Variants in FAAP24 observed in about 807,000 individuals in gnomAD.
FAAP24 encodes Fanconi anemia core complex-associated protein 24.
In FAAP24, 16 loss-of-function variants were observed where a neutral mutation model predicts 14.3. That is an observed-to-expected ratio of 1.12 (90% CI 0.76 to 1.69). FAAP24 has a LOEUF of 1.69. Among genes scored for constraint, FAAP24 ranks in the 40% most tolerant of loss-of-function variants. The pLI, the probability that FAAP24 is intolerant of heterozygous loss-of-function variation, is 0.00. For missense variants in FAAP24, 234 were observed against 262.7 expected (o/e 0.89, Z 0.75); for synonymous variants, 111 against 106.2 (o/e 1.04, Z -0.28).
intron 4 of FAAP24, among the ~76,000 whole-genome samples, chr19:32,975,601 A>G (rs1471443471): frequency 6.6e-6 from 1 of 151,548 alleles, no homozygotes; most frequent in African/African-American, 2.4e-5. Context: ...CTGGAATTAC[A>G]GGTGCCCGCC....
Position 32,978,090 on chromosome 19 carries a change from A to G in FAAP24, c.*1408A>G, listed in dbSNP as rs530136913. On this transcript the variant is annotated 3_prime_UTR_variant, in exon 5 of 5. Coordinates refer to ENST00000588258, the MANE Select transcript of FAAP24 (RefSeq NM_152266.5). ...ATCAAAAGGTACAAATTGCCCATTC[A>G]AAAAATAGACACAGGCCAGGCACAG... 1 of 151,674 alleles carries G rather than the reference A, an allele frequency of 6.6e-6. No individual in the cohort carries two copies. Among genetic ancestry groups the G allele is most frequent in the Admixed American group, 6.6e-5 (1 of 15,190 alleles). The allele number at this position is 151,674 out of a possible 1,614,324, so 9.4% of individuals were successfully genotyped here. A position where few individuals can be genotyped will look rare whatever the true frequency, so the allele number is the denominator to read the frequency against.
chr19:32,973,622 A>C lies in FAAP24; in HGVS notation c.243+60A>C, dbSNP rs552511817. The C allele has an allele frequency of 5.7e-6, 9 of 1,576,596 alleles. No homozygotes were observed. In the African/African-American group the frequency reaches 9.4e-5, roughly 17 times the overall value. ...GTAATCCCAGCACTTTGGGAGGCCA[A>C]GGCGGGTGGATCACCTGAGGTCAGT... On this transcript the variant is annotated intron_variant, in intron 3 of 4. Coordinates refer to ENST00000588258, the MANE Select transcript of FAAP24 (RefSeq NM_152266.5).
Position 32,974,193 on chromosome 19 carries a change from C to A in FAAP24, c.377C>A (p.Ser126Tyr). The A allele has an allele frequency of 6.2e-7, 1 of 1,613,324 alleles. No individual in the cohort carries two copies. The highest frequency in any genetic ancestry group is 8.5e-7 in the Non-Finnish European group (1 of 1,179,828). The part of the protein sequence containing the change: ...LLPVASQMEA[S>Y]CLVIQLVQEQ... ...CCAGTGGCCAGCCAGATGGAAGCAT[C>A]CTGCCTCGTCATCCAGTTGGTGAGT... The change falls in exon 4 of 5, where the codon TCC becomes TAC. Residue 126 changes from serine to tyrosine, a missense_variant. Physicochemically the swap from Ser to Tyr is moderately radical, Grantham distance 144. Coordinates refer to ENST00000588258, the MANE Select transcript of FAAP24 (RefSeq NM_152266.5).
intron 1 of FAAP24, among the ~76,000 whole-genome samples, chr19:32,972,716 T>TTTC (rs955593233): frequency 5.5e-4 from 29 of 52,490 alleles, no homozygotes; most frequent in South Asian, 2.1e-3. Flanking sequence ...TTTTCTTTTC[T>TTTC]TTTTTTTTTT....
chr19:32,973,603 C>T, intron 3 of FAAP24, 41 bp downstream of exon 3: 1 of 1,608,732 alleles, frequency 6.2e-7, no homozygotes. Flanking sequence ...GCCAGTAATC[C>T]CAGCACTTTG....
chr19:32,972,294 G>A lies in FAAP24; in HGVS notation c.-66G>A, dbSNP rs867265606. 4.7e-6 allele frequency: 2 copies of A among 425,072 alleles called. No individual in the cohort carries two copies. The highest frequency in any genetic ancestry group is 3.3e-5 in the East Asian group (1 of 29,898). The allele number at this position is 425,072 out of a possible 1,614,324, so 26.3% of individuals were successfully genotyped here. ...AGTAACATGATCTCTAGACTGGGAC[G>A]GTGGGGTTCCTGCCGGCTGTATTCG... is the stretch of plus-strand genomic sequence containing the variant. On this transcript the variant is annotated 5_prime_UTR_variant, in exon 1 of 5. Coordinates refer to ENST00000588258, the MANE Select transcript of FAAP24 (RefSeq NM_152266.5).
intron 4 of FAAP24, 105 bp downstream of exon 4, chr19:32,974,317 T>A (rs1599798257): frequency 1.5e-6 from 2 of 1,357,524 alleles, no homozygotes; most frequent in East Asian, 4.8e-5. Flanking sequence ...TCTGACTTGG[T>A]TTATAAAATC....
Position 32,977,372 on chromosome 19 carries a change from C to A in FAAP24, c.*690C>A. 2.5e-6 allele frequency: 1 copy of A among 398,646 alleles called. No individual in the cohort carries two copies. Among genetic ancestry groups the A allele is most frequent in the Non-Finnish European group, 4.4e-6 (1 of 226,114 alleles). 24.7% of individuals were successfully genotyped at this position (398,646 alleles called of 1,614,324 possible). ...TGACCATCTGAAGGAAACAAATGTA[C>A]AAGGAAGCACTGTGTATCCTAAGCC... On this transcript the variant is annotated 3_prime_UTR_variant, in exon 5 of 5. Coordinates refer to ENST00000588258, the MANE Select transcript of FAAP24 (RefSeq NM_152266.5).
chr19:32,972,914 C>G (rs1019285550), intron 1 of FAAP24, among the ~76,000 whole-genome samples: 1 of 151,976 alleles, frequency 6.6e-6, no homozygotes, highest in Non-Finnish European at 1.5e-5. Context: ...CGCGGTTTCA[C>G]TATCTTGGCC....
Position 32,973,542 on chromosome 19 carries a change from A to C in FAAP24, c.223A>C (p.Arg75=), listed in dbSNP as rs1373994314. The C allele has an allele frequency of 6.2e-7, 1 of 1,614,058 alleles. No individual in the cohort carries two copies. The highest frequency in any genetic ancestry group is 8.5e-7 in the Non-Finnish European group (1 of 1,180,028). ...DLVAGNGYRK[R]LVRVRNSNNL... ...GGTGGCAGGAAATGGCTACAGAAAG[A>C]GGCTTGTTCGGGTTAGAAATGTAAG... is the stretch of plus-strand genomic sequence containing the variant. Residue 75 remains arginine (R), a synonymous_variant, in exon 3 of 5, where the codon AGG becomes CGG. Coordinates refer to ENST00000588258, the MANE Select transcript of FAAP24 (RefSeq NM_152266.5).
chr19:32,974,170 A>C lies in FAAP24; in HGVS notation c.354A>C (p.Pro118=). 1 of 1,613,890 alleles carries C rather than the reference A, an allele frequency of 6.2e-7. No homozygotes were observed. Among genetic ancestry groups the C allele is most frequent in the Non-Finnish European group, 8.5e-7 (1 of 1,179,982 alleles). ...TGGACCTTGGAATGGTGCTGCTTCC[A>C]GTGGCCAGCCAGATGGAAGCATCCT... ...TVLDLGMVLL[P]VASQMEASCL... The change falls in exon 4 of 5, where the codon CCA becomes CCC. Residue 118 remains proline, a synonymous_variant. Coordinates refer to ENST00000588258, the MANE Select transcript of FAAP24 (RefSeq NM_152266.5).
chr19:32,975,455 C>G (rs1194696081), intron 4 of FAAP24, among the ~76,000 whole-genome samples: 5 of 149,042 alleles, frequency 3.4e-5, no homozygotes, highest in African/African-American at 1.2e-4. Context: ...CCGCACCAAC[C>G]AACACTTTTT....
At position 32,973,222 on chromosome 19, in the gene FAAP24, C is replaced by T. The variant is rs900861352; in HGVS notation, c.26C>T (p.Thr9Met). Residue 9 changes from threonine to methionine, a missense_variant, in exon 2 of 5, where the codon ACG (threonine) becomes ATG (methionine). Thr to Met is a moderately conservative substitution (Grantham distance 81, BLOSUM62 -1). Transcript: ENST00000588258. ...ATGGAAAAGAACCCCCCTGATGATA[C>T]GGGCCCCGTGCACGTGCCTTTGGGG... Reference protein sequence around the residue: MEKNPPDDTGPVHVPLGHI... With the variant: MEKNPPDDMGPVHVPLGHI... 9.3e-6 allele frequency: 15 copies of T among 1,613,666 alleles called. No homozygotes were observed. Among genetic ancestry groups the T allele is most frequent in the Non-Finnish European group, 9.3e-6 (11 of 1,180,020 alleles).
Position 32,975,856 on chromosome 19 carries a change from T to G in FAAP24, c.397-575T>G, listed in dbSNP as rs140450510. ...TGTGTGTTGTTTGTTTTTTTCACTT[T>G]TGTTTTCTTTGTTATGTGTGTGTTG... is the stretch of plus-strand genomic sequence containing the variant. On this transcript the variant is annotated intron_variant, in intron 4 of 4. Coordinates refer to ENST00000588258, the MANE Select transcript of FAAP24 (RefSeq NM_152266.5). 4.6e-5 allele frequency among the ~76,000 whole-genome samples: 7 copies of G among 152,324 alleles called. No homozygotes were observed. In the East Asian group the frequency reaches 1.3e-3, roughly 29 times the overall value.
intron 4 of FAAP24, 114 bp from the exon 5 acceptor site, chr19:32,976,317 C>T (rs1971515218): frequency 1.5e-6 from 2 of 1,297,398 alleles, no homozygotes; most frequent in South Asian, 3.0e-5. Flanking sequence ...AACATTTGTT[C>T]CCTTAAGTCA....
Position 32,976,721 on chromosome 19 carries a change from A to G in FAAP24, c.*39A>G, listed in dbSNP as rs2145992948. On this transcript the variant is annotated 3_prime_UTR_variant, in exon 5 of 5. Transcript: ENST00000588258. ...GGCCACGGCATCTTCTCCTGAGACCACAAACACCAGGATCTTGTTTTCAGC... is the reference window on the plus strand; with the variant it reads ...GGCCACGGCATCTTCTCCTGAGACCGCAAACACCAGGATCTTGTTTTCAGC... 6.2e-7 allele frequency: 1 copy of G among 1,604,886 alleles called. No homozygotes were observed. The highest frequency in any genetic ancestry group is 2.2e-5 in the East Asian group (1 of 44,734).
chr19:32,975,601 AG>A (rs1273244743), intron 4 of FAAP24, among the ~76,000 whole-genome samples: 1 of 151,548 alleles, frequency 6.6e-6, no homozygotes, highest in Non-Finnish European at 1.5e-5. Context: ...CTGGAATTAC[AG>A]GTGCCCGCCA....
intron 4 of FAAP24, 33 bp from the exon 5 acceptor site, chr19:32,976,398 C>A: frequency 6.3e-7 from 1 of 1,580,760 alleles, no homozygotes; most frequent in South Asian, 1.1e-5. Context: ...CTCCAGAGGG[C>A]GCTCACGTGC....
Position 32,974,179 on chromosome 19 carries a change from C to T in FAAP24, c.363C>T (p.Ser121=), listed in dbSNP as rs777778467. 6.2e-7 allele frequency: 1 copy of T among 1,613,782 alleles called. No individual in the cohort carries two copies. Among genetic ancestry groups the T allele is most frequent in the East Asian group, 2.2e-5 (1 of 44,884 alleles). The change falls in exon 4 of 5, where the codon AGC becomes AGT. Residue 121 remains serine (S), a synonymous_variant. Coordinates refer to ENST00000588258, the MANE Select transcript of FAAP24 (RefSeq NM_152266.5). ...GAATGGTGCTGCTTCCAGTGGCCAG[C>T]CAGATGGAAGCATCCTGCCTCGTCA... ...DLGMVLLPVA[S]QMEASCLVIQ...
Sources: gnomAD v4.1 joint callset for allele counts (sites outside exome capture counted in the v4.1 genomes callset) on GRCh38, gnomAD v4.1.1 for gene constraint, MANE v1.5 for transcripts, NCBI Gene and HGNC (gene_info 2026-07-23, HGNC 2026-07-21) for gene names.